Variants in CADM2 observed in about 807,000 individuals in gnomAD.
CADM2 encodes the protein cell adhesion molecule 2.
CADM2 carries 12 observed loss-of-function variants against 49.8 expected under a neutral mutation model. The ratio of observed to expected loss-of-function variants is 0.24; its 90% CI spans 0.15 to 0.39. The LOEUF is 0.39. CADM2 is among the 10% of genes least tolerant of loss of function. The pLI is 1.00. For synonymous variants in CADM2, 214 were observed against 175.4 expected, an observed-to-expected ratio of 1.22 and a Z score of -1.74; for missense variants, 378 against 492.3, an observed-to-expected ratio of 0.77 and a Z score of 2.20.
intron 1 of CADM2, among the ~76,000 whole-genome samples, chr3:85,694,818 T>C (rs2066501614): frequency 1.3e-5 from 2 of 152,096 alleles, no homozygotes. Context: ...GCATGGAATA[T>C]AGACATGGTG....
chr3:85,667,559 A>T (rs1228989724), intron 1 of CADM2, among the ~76,000 whole-genome samples: 2 of 151,958 alleles, frequency 1.3e-5, no homozygotes, highest in Admixed American at 6.6e-5. Flanking sequence ...GGAGAACACA[A>T]TTTGCATTCC....
At chr3:85,777,642 C>A (rs1006237987) in intron 2 of CADM2, among the ~76,000 whole-genome samples, 4 of 152,152 alleles carry the variant, frequency 2.6e-5, no homozygotes, top group African/African-American at 9.7e-5. Flanking sequence ...ACCTCTTACT[C>A]TTTCTCATTT....
chr3:85,835,270 T>C (rs980232742), intron 3 of CADM2, among the ~76,000 whole-genome samples: 3 of 151,454 alleles, frequency 2.0e-5, no homozygotes, highest in African/African-American at 7.3e-5. Context: ...ACTTTATAAT[T>C]TGAAATGTGT....
In CADM2 at chr3:85,183,065, C is replaced by T. The variant is rs749904219; in HGVS notation, c.61+223397C>T. On this transcript the variant is annotated intron_variant, in intron 1 of 9. Transcript: ENST00000383699. ...ATGCTATGCATAATTGCAATTTACA[C>T]AAGATGCCCTCTGAATCTCCTTTCC... Among the ~76,000 whole-genome samples the T allele has an allele frequency of 1.4e-3, 208 of 152,194 alleles. 2 individuals carry two copies. The highest frequency in any genetic ancestry group is 2.8e-3 in the Non-Finnish European group (187 of 67,994).
intron 1 of CADM2, among the ~76,000 whole-genome samples, chr3:85,561,162 TATTGTTCATGTTC>T (rs1404242942): frequency 2.6e-5 from 4 of 152,208 alleles, no homozygotes; most frequent in African/African-American, 9.7e-5. Flanking sequence ...ATGTTTTTTA[TATTGTTCATGTTC>T]ATTGTTCATG....
At chr3:85,603,314 A>G (rs1271744676) in intron 1 of CADM2, among the ~76,000 whole-genome samples, 1 of 151,940 alleles carries the variant, frequency 6.6e-6, no homozygotes, top group African/African-American at 2.4e-5. Context: ...GAGAAGGGAT[A>G]CAGTTGGTAG....
At chr3:85,506,687 A>T (rs2040368502) in intron 1 of CADM2, among the ~76,000 whole-genome samples, 1 of 152,020 alleles carries the variant, frequency 6.6e-6, no homozygotes, top group Non-Finnish European at 1.5e-5. Flanking sequence ...GGCACACACC[A>T]TACCCCATGG....
chr3:85,610,161 T>A (rs2063641611), intron 1 of CADM2, among the ~76,000 whole-genome samples: 1 of 151,984 alleles, frequency 6.6e-6, no homozygotes, highest in African/African-American at 2.4e-5. Flanking sequence ...TAATTACCTA[T>A]TTGTCTGTAA....
At chr3:85,938,492 A>G (rs1436849614) in intron 7 of CADM2, among the ~76,000 whole-genome samples, 2 of 152,118 alleles carry the variant, frequency 1.3e-5, no homozygotes, top group East Asian at 3.8e-4. Flanking sequence ...ATATTTTAAA[A>G]TAAAACATAA....
chr3:85,176,719 T>A (rs2040796294), intron 1 of CADM2, among the ~76,000 whole-genome samples: 1 of 152,160 alleles, frequency 6.6e-6, no homozygotes, highest in Non-Finnish European at 1.5e-5. Context: ...CTGTAGGCTT[T>A]TGGTATCTGT....
chr3:85,536,764 T>C (rs1473060427), intron 1 of CADM2, among the ~76,000 whole-genome samples: 1 of 152,008 alleles, frequency 6.6e-6, no homozygotes, highest in African/African-American at 2.4e-5. Context: ...ATGAGAGATA[T>C]GTATAGCCAG....
intron 1 of CADM2, among the ~76,000 whole-genome samples, chr3:85,402,224 A>C (rs549682190): frequency 2.0e-5 from 3 of 152,042 alleles, no homozygotes; most frequent in Admixed American, 2.0e-4. Context: ...AAACTACAAG[A>C]CCTTAACAAA....
intron 1 of CADM2, among the ~76,000 whole-genome samples, chr3:85,447,843 G>T (rs751331085): frequency 6.6e-6 from 1 of 152,146 alleles, no homozygotes; most frequent in African/African-American, 2.4e-5. Flanking sequence ...ATGCTAAAAT[G>T]TAGTAACTAA....
rs562490473 is a variant in CADM2 at position 85,659,947 on chromosome 3, A to G, written c.62-66575A>G. 2.0e-5 allele frequency among the ~76,000 whole-genome samples: 3 copies of G among 152,292 alleles called. No individual in the cohort carries two copies. The South Asian group carries it at 6.2e-4, about 32-fold the overall frequency. On this transcript the variant is annotated intron_variant, in intron 1 of 9. Transcript: ENST00000383699. ...TTCAATTTAAAAAAAATGAATTAAA[A>G]TGTCTTCTTATGAACTTGAATGCAC...
chr3:85,123,406 T>G (rs1409214331), intron 1 of CADM2, among the ~76,000 whole-genome samples: 1 of 152,168 alleles, frequency 6.6e-6, no homozygotes, highest in African/African-American at 2.4e-5. Flanking sequence ...ATTGTAATCT[T>G]TTTTGGTGTA....
intron 3 of CADM2, among the ~76,000 whole-genome samples, chr3:85,841,275 A>G (rs1444385438): frequency 6.6e-6 from 1 of 151,888 alleles, no homozygotes; most frequent in Non-Finnish European, 1.5e-5. Flanking sequence ...ATTACATATC[A>G]GGTAGCATGG....
intron 1 of CADM2, among the ~76,000 whole-genome samples, chr3:85,080,237 C>T (rs904401882): frequency 3.3e-5 from 5 of 151,908 alleles, no homozygotes; most frequent in Non-Finnish European, 5.9e-5. Context: ...AAGCTGGCTA[C>T]CTTTAGAAAT....
chr3:85,676,139 A>AT (rs1304565117), intron 1 of CADM2, among the ~76,000 whole-genome samples: 1 of 152,206 alleles, frequency 6.6e-6, no homozygotes, highest in African/African-American at 2.4e-5. Flanking sequence ...GGTCTGTTGC[A>AT]TTAGGCCTCC....
intron 1 of CADM2, among the ~76,000 whole-genome samples, chr3:85,100,018 A>G (rs781362922): frequency 6.6e-6 from 1 of 152,210 alleles, no homozygotes; most frequent in South Asian, 2.1e-4. Flanking sequence ...CCTGCTGTAA[A>G]GAGAGCCTGA....
Sources: allele counts gnomAD v4.1 joint callset (sites outside exome capture counted in the v4.1 genomes callset), GRCh38; gene constraint gnomAD v4.1.1; transcripts MANE v1.5; gene names NCBI Gene and HGNC (gene_info 2026-07-23, HGNC 2026-07-21).